The following SMOC1 variants were observed in gnomAD, a reference collection of about 807,000 sequenced individuals.
SMOC1 encodes SPARC related modular calcium binding 1.
SMOC1 carries 22 observed loss-of-function variants against 56.3 expected under a neutral mutation model. The observed-to-expected ratio is 0.39, with a 90% confidence interval of 0.28 to 0.56. The LOEUF (loss-of-function observed/expected upper bound fraction) is 0.56. Ranked by LOEUF, SMOC1 falls within the 20% of genes least tolerant of loss-of-function variation. SMOC1 has a pLI of 0.61. For synonymous variants in SMOC1, 193 were observed against 215.0 expected, an observed-to-expected ratio of 0.90 and a Z score of 0.89; for missense variants, 509 against 565.4, an observed-to-expected ratio of 0.90 and a Z score of 1.01.
chr14:69,990,092 C>T (rs1046049676), intron 5 of SMOC1, among the ~76,000 whole-genome samples: 1 of 152,212 alleles, frequency 6.6e-6, no homozygotes, highest in African/African-American at 2.4e-5. Context: ...CTGCAAGTGG[C>T]TTTATGCCTC....
chr14:69,915,007 T>C (rs1243943633), intron 1 of SMOC1, among the ~76,000 whole-genome samples: 2 of 152,058 alleles, frequency 1.3e-5, no homozygotes, highest in African/African-American at 4.8e-5. Context: ...GCTGGAATTA[T>C]AGCCGCCCAC....
chr14:69,899,683 G>A (rs1884191167), intron 1 of SMOC1, among the ~76,000 whole-genome samples: 5 of 152,162 alleles, frequency 3.3e-5, no homozygotes, highest in Admixed American at 3.3e-4. Flanking sequence ...TGAGAACCAG[G>A]TAGGGCTCCT....
rs964426178 is a variant in SMOC1, at chr14:69,991,294, C to T, written c.527-1123C>T. Among the ~76,000 whole-genome samples, 4 of 152,178 alleles carry T rather than the reference C, an allele frequency of 2.6e-5. No individual in the cohort carries two copies. In the East Asian group the frequency reaches 7.7e-4, roughly 29 times the overall value. ...GAGAGAAATCTCTTAAACTATATAA[C>T]CTTAAGAGGGACAAAGATACCCTCT... On this transcript the variant is annotated intron_variant, in intron 5 of 11. Transcript: ENST00000361956.
chr14:69,952,189 C>T lies in SMOC1; in HGVS notation c.151C>T (p.Gln51Ter). 1 of 1,614,214 alleles carries T rather than the reference C, an allele frequency of 6.2e-7. No homozygotes were observed. ...GTGCAACCTCCACTGCTCCAGGACT[C>T]AACCCAAACCCATCTGTGCCTCTGA... ...PQCNLHCSRT[Q>*]PKPICASDGR... is the part of the protein sequence containing the mutation. The change falls in exon 2 of 12, where the codon CAA (glutamine) becomes TAA (stop). Residue 51 changes from glutamine (Q) to a stop codon, truncating the protein, a stop_gained. Transcript: ENST00000361956. LOFTEE classifies it high-confidence loss of function.
At chr14:70,000,020 C>T (rs769170454) in intron 7 of SMOC1, among the ~76,000 whole-genome samples, 15 of 152,162 alleles carry the variant, frequency 9.9e-5, no homozygotes, top group Non-Finnish European at 1.3e-4. Flanking sequence ...TTCCTTTTGG[C>T]CTCTGCTGCT....
At chr14:69,997,866 C>A (rs1884824263) in intron 7 of SMOC1, among the ~76,000 whole-genome samples, 1 of 152,108 alleles carries the variant, frequency 6.6e-6, no homozygotes, top group South Asian at 2.1e-4. Flanking sequence ...CAGCCTGCAT[C>A]CCCGGGGAGG....
At chr14:69,939,065 C>T (rs1208320357) in intron 1 of SMOC1, among the ~76,000 whole-genome samples, 2 of 152,222 alleles carry the variant, frequency 1.3e-5, no homozygotes, top group African/African-American at 4.8e-5. Context: ...ACTCCCACCC[C>T]TTTCAAACTC....
chr14:70,011,067 C>A, intron 8 of SMOC1, 121 bp downstream of exon 8: 1 of 1,143,976 alleles, frequency 8.7e-7, no homozygotes, highest in Non-Finnish European at 1.3e-6. Context: ...GCCATGTTTT[C>A]AATGAGTAGA....
chr14:69,953,109 C>G (rs1772817369), intron 2 of SMOC1, among the ~76,000 whole-genome samples: 1 of 152,012 alleles, frequency 6.6e-6, no homozygotes, highest in South Asian at 2.1e-4. Flanking sequence ...AGGCTTACCA[C>G]TTTTAGAATA....
At chr14:69,931,424 G>A (rs1404905685) in intron 1 of SMOC1, among the ~76,000 whole-genome samples, 1 of 152,236 alleles carries the variant, frequency 6.6e-6, no homozygotes, top group East Asian at 1.9e-4. Context: ...GGCGGGCAGT[G>A]TATAGCTCTT....
chr14:69,923,016 C>G (rs1022465345), intron 1 of SMOC1, among the ~76,000 whole-genome samples: 16 of 151,520 alleles, frequency 1.1e-4, no homozygotes, highest in African/African-American at 3.9e-4. Flanking sequence ...ATGATCTCGG[C>G]TCACTGCAAG....
chr14:69,980,804 A>G (rs74060663), intron 5 of SMOC1, among the ~76,000 whole-genome samples: 2,151 of 152,314 alleles, frequency 0.014, 50 homozygotes, highest in African/African-American at 0.049. Flanking sequence ...ACCCTTGTGC[A>G]GGGTGATGGA....
chr14:69,953,463 G>C lies in SMOC1; in HGVS notation c.309G>C (p.Leu103=). The C allele has an allele frequency of 6.2e-7, 1 of 1,614,250 alleles. No homozygotes were observed. Among genetic ancestry groups the C allele is most frequent in the Non-Finnish European group, 8.5e-7 (1 of 1,180,034 alleles). ...SKCRLERAQA[L]EQAKKPQEAV... is the part of the protein sequence containing the mutation. Reference sequence around the variant, plus strand: ...GTCGCCTGGAGCGGGCTCAAGCCCTGGAGCAAGCCAAGAAGCCTCAGGAAG... The same window carrying C: ...GTCGCCTGGAGCGGGCTCAAGCCCTCGAGCAAGCCAAGAAGCCTCAGGAAG... Residue 103 remains leucine, a synonymous_variant, in exon 3 of 12, where the codon CTG becomes CTC. Transcript: ENST00000361956.
intron 1 of SMOC1, among the ~76,000 whole-genome samples, chr14:69,950,008 G>A (rs180811621): frequency 1.3e-5 from 2 of 152,336 alleles, no homozygotes; most frequent in East Asian, 1.9e-4. Context: ...GATGATCTGA[G>A]TTATTTATTT....
chr14:69,962,309 C>T (rs763850137), intron 3 of SMOC1, among the ~76,000 whole-genome samples: 11 of 151,900 alleles, frequency 7.2e-5, no homozygotes, highest in South Asian at 6.2e-4. Flanking sequence ...ATTATAAGCG[C>T]GTGCCACCAA....
At chr14:69,895,048 T>C (rs1164977272) in intron 1 of SMOC1, among the ~76,000 whole-genome samples, 1 of 152,208 alleles carries the variant, frequency 6.6e-6, no homozygotes, top group Non-Finnish European at 1.5e-5. Context: ...CTTTCAAAGA[T>C]GCCCTGGAAC....
intron 8 of SMOC1, 88 bp from the exon 9 acceptor site, chr14:70,011,395 TGA>T: frequency 2.3e-6 from 3 of 1,277,338 alleles, no homozygotes; most frequent in Non-Finnish European, 2.3e-6. Flanking sequence ...TTAGGCTTGG[TGA>T]CAACATAGAT....
intron 1 of SMOC1, among the ~76,000 whole-genome samples, chr14:69,916,026 G>A (rs1216624334): frequency 6.6e-6 from 1 of 152,166 alleles, no homozygotes. Context: ...TCTGGATATA[G>A]CCATACCTAC....
At chr14:69,999,330 C>G (rs936291389) in intron 7 of SMOC1, among the ~76,000 whole-genome samples, 1 of 152,156 alleles carries the variant, frequency 6.6e-6, no homozygotes, top group African/African-American at 2.4e-5. Flanking sequence ...TCCCCACCCC[C>G]CAAGCCAGCA....
Sources: gnomAD v4.1 joint callset for allele counts (sites outside exome capture counted in the v4.1 genomes callset) on GRCh38, gnomAD v4.1.1 for gene constraint, MANE v1.5 for transcripts, NCBI Gene and HGNC (gene_info 2026-07-23, HGNC 2026-07-21) for gene names.